The following DCAF10 variants were observed in gnomAD, a reference collection of about 807,000 sequenced individuals.
The protein encoded by DCAF10 is DDB1- and CUL4-associated factor 10.
Under a neutral mutation model 51.9 loss-of-function variants are expected in DCAF10, and 19 were observed. The ratio of observed to expected loss-of-function variants is 0.37; its 90% CI spans 0.26 to 0.54. The LOEUF (loss-of-function observed/expected upper bound fraction) is 0.54. DCAF10 is among the 20% of genes least tolerant of loss of function. The pLI is 0.87. For missense variants in DCAF10, 510 were observed against 730.6 expected, an observed-to-expected ratio of 0.70 and a Z score of 3.48; for synonymous variants, 291 against 297.1, an observed-to-expected ratio of 0.98 and a Z score of 0.21.
chr9:37,800,796 C>T, upstream of DCAF10: 1 of 1,512,560 alleles, frequency 6.6e-7, no homozygotes, highest in South Asian at 1.3e-5. Context: ...CCGGAAGTGG[C>T]AGCTGAACAG....
chr9:37,810,495 G>A (rs1829306678), intron 1 of DCAF10, among the ~76,000 whole-genome samples: 1 of 150,152 alleles, frequency 6.7e-6, no homozygotes, highest in African/African-American at 2.5e-5. Flanking sequence ...TTCATTCACT[G>A]TTGTTGCCCA....
At chr9:37,814,145 G>A (rs1829455114) in intron 1 of DCAF10, among the ~76,000 whole-genome samples, 1 of 97,076 alleles carries the variant, frequency 1.0e-5, no homozygotes, top group Non-Finnish European at 2.0e-5. Context: ...TGTTGTTGTT[G>A]TTGTTGTTGT....
intron 3 of DCAF10, among the ~76,000 whole-genome samples, chr9:37,848,614 G>A (rs188912220): frequency 6.0e-4 from 92 of 152,230 alleles, no homozygotes; most frequent in Middle Eastern, 3.4e-3. Context: ...CTCTTAAGGT[G>A]ATGAAAATGT....
rs755754292 is a variant in DCAF10 at position 37,860,076 on chromosome 9, C to T, written c.1194C>T (p.Val398=). ...EGVSPRNSLE[V]VTPEVLGESD... Reference sequence around the variant, plus strand: ...TTTCACCACGAAATAGTCTTGAAGTCGTAACCCCTGAAGTTCTTGGTGAGA... The same window carrying T: ...TTTCACCACGAAATAGTCTTGAAGTTGTAACCCCTGAAGTTCTTGGTGAGA... Residue 398 remains valine (V), a synonymous_variant, in exon 6 of 7, where the codon GTC becomes GTT. Coordinates refer to ENST00000377724, the MANE Select transcript of DCAF10 (RefSeq NM_024345.5). The T allele has an allele frequency of 2.2e-5, 36 of 1,613,956 alleles. No individual in the cohort carries two copies. The highest frequency in any genetic ancestry group is 1.2e-4 in the African/African-American group (9 of 74,896).
intron 6 of DCAF10, 144 bp downstream of exon 6, chr9:37,860,337 T>C: frequency 9.6e-7 from 1 of 1,041,262 alleles, no homozygotes; most frequent in Non-Finnish European, 1.4e-6. Flanking sequence ...ACTCTCCTGT[T>C]TCTGTCCTCT....
Position 37,819,340 on chromosome 9 carries a change from A to G in DCAF10, c.592A>G (p.Ile198Val), listed in dbSNP as rs1166798688. The change falls in exon 2 of 7, where the codon ATA becomes GTA. Residue 198 changes from isoleucine (I) to valine (V), a missense_variant. By Grantham distance (29) the Ile-to-Val change is conservative (BLOSUM62 3). Coordinates refer to ENST00000377724, the MANE Select transcript of DCAF10 (RefSeq NM_024345.5). ...AACTGAAGTTCTGCTTTTTGACCCTATATCTTCAAAGCACATAAAAACACT... is the reference window on the plus strand; with the variant it reads ...AACTGAAGTTCTGCTTTTTGACCCTGTATCTTCAAAGCACATAAAAACACT... ...EQTEVLLFDP[I>V]SSKHIKTLSE... 21 of 1,613,818 alleles carry G rather than the reference A, an allele frequency of 1.3e-5. No homozygotes were observed. The highest frequency in any genetic ancestry group is 5.5e-5 in the South Asian group (5 of 91,076).
intron 2 of DCAF10, among the ~76,000 whole-genome samples, chr9:37,834,448 T>G (rs1830093007): frequency 6.6e-6 from 1 of 152,170 alleles, no homozygotes; most frequent in South Asian, 2.1e-4. Flanking sequence ...ACAATTATAG[T>G]TTTTTAAATG....
At chr9:37,848,687 T>C (rs936280965) in intron 3 of DCAF10, among the ~76,000 whole-genome samples, 8 of 152,042 alleles carry the variant, frequency 5.3e-5, no homozygotes, top group Admixed American at 2.0e-4. Context: ...ATTACTTAAT[T>C]GCGGCCTGGC....
intron 2 of DCAF10, among the ~76,000 whole-genome samples, chr9:37,822,853 A>T (rs1348070909): frequency 6.6e-6 from 1 of 152,204 alleles, no homozygotes. Flanking sequence ...CTGTAATCCC[A>T]GCAACTTGAG....
chr9:37,807,726 G>A (rs1373520530), intron 1 of DCAF10, among the ~76,000 whole-genome samples: 4 of 136,990 alleles, frequency 2.9e-5, no homozygotes, highest in African/African-American at 5.5e-5. Flanking sequence ...GCAATGGCGC[G>A]ATCTTGCCTG....
In DCAF10 at chr9:37,829,603, C is replaced by G. The variant is rs10118319; in HGVS notation, c.653+10202C>G. 6.6e-6 allele frequency among the ~76,000 whole-genome samples: 1 copy of G among 152,008 alleles called. No individual in the cohort carries two copies. The highest frequency in any genetic ancestry group is 1.5e-5 in the Non-Finnish European group (1 of 67,998). Reference sequence around the variant, plus strand: ...CTTGCTATTTCTCTCGGCAGCGAAACGTTGAGAAATAGGCACTCTTAGATA... The same window carrying G: ...CTTGCTATTTCTCTCGGCAGCGAAAGGTTGAGAAATAGGCACTCTTAGATA... On this transcript the variant is annotated intron_variant, in intron 2 of 6. Coordinates refer to ENST00000377724, the MANE Select transcript of DCAF10 (RefSeq NM_024345.5). The surrounding 1 kb of genome is among the most constrained non-coding windows in gnomAD (Gnocchi z 4.2).
At chr9:37,820,562 A>G (rs1293549350) in intron 2 of DCAF10, among the ~76,000 whole-genome samples, 2 of 152,214 alleles carry the variant, frequency 1.3e-5, no homozygotes, top group African/African-American at 4.8e-5. Flanking sequence ...AGCCTCATCA[A>G]TAGCTATTGA....
chr9:37,835,436 G>C (rs1020976985), intron 2 of DCAF10, among the ~76,000 whole-genome samples: 86 of 152,126 alleles, frequency 5.7e-4, no homozygotes, highest in African/African-American at 2.0e-3. Context: ...AAAATTAACC[G>C]GGTGTGATGG....
At chr9:37,836,769 T>A (rs1251094472) in intron 2 of DCAF10, among the ~76,000 whole-genome samples, 2 of 152,160 alleles carry the variant, frequency 1.3e-5, no homozygotes, top group Non-Finnish European at 2.9e-5. Context: ...GTTCACACCC[T>A]TACTTTTTTT....
chr9:37,822,553 A>T (rs1350665410), intron 2 of DCAF10, among the ~76,000 whole-genome samples: 1 of 151,854 alleles, frequency 6.6e-6, no homozygotes, highest in African/African-American at 2.4e-5. Context: ...TGGAAAACCA[A>T]ACATCATAGG....
intron 2 of DCAF10, among the ~76,000 whole-genome samples, chr9:37,838,878 A>AG (rs1216423961): frequency 6.6e-6 from 1 of 152,110 alleles, no homozygotes; most frequent in East Asian, 1.9e-4. Flanking sequence ...CAAAAAAAAA[A>AG]AAATTAAAAA....
Position 37,860,160 on chromosome 9 carries a change from T to C in DCAF10, c.1278T>C (p.Leu426=), listed in dbSNP as rs1830971892. ...LQLHPKGWAT[L]LRCSSNSDDE... ...TGCACCCAAAAGGCTGGGCCACTCT[T>C]CTTCGGTGCTCAAGCAACAGTGATG... The change falls in exon 6 of 7, where the codon CTT becomes CTC. Residue 426 remains leucine (L), a synonymous_variant. Transcript: ENST00000377724. 16 of 1,613,968 alleles carry C rather than the reference T, an allele frequency of 9.9e-6. No individual in the cohort carries two copies. Among genetic ancestry groups the C allele is most frequent in the African/African-American group, 4.0e-5 (3 of 74,894 alleles).
chr9:37,800,682 T>C, upstream of DCAF10: 2 of 1,536,044 alleles, frequency 1.3e-6, no homozygotes, highest in Non-Finnish European at 1.7e-6. Flanking sequence ...TTCCCGGGAC[T>C]GCGGCGCCCC....
chr9:37,808,062 A>T (rs1455266004), intron 1 of DCAF10, among the ~76,000 whole-genome samples: 1 of 152,192 alleles, frequency 6.6e-6, no homozygotes, highest in Non-Finnish European at 1.5e-5. Context: ...AAATTTTCAC[A>T]TATGAGACCA....
Sources: allele counts gnomAD v4.1 joint callset (sites outside exome capture counted in the v4.1 genomes callset), GRCh38; gene constraint gnomAD v4.1.1; non-coding constraint Gnocchi (gnomAD v3.1); transcripts MANE v1.5; gene names NCBI Gene and HGNC (gene_info 2026-07-23, HGNC 2026-07-21).